SQOR: variants seen among roughly 807,000 people sequenced by gnomAD.
SQOR encodes the protein sulfide quinone oxidoreductase.
Under a neutral mutation model 48.6 loss-of-function variants are expected in SQOR, and 39 were observed. The observed-to-expected ratio is 0.80, with a 90% CI of 0.62 to 1.05. The LOEUF is 1.05. Among genes scored for constraint, SQOR ranks in the 50% least tolerant of loss-of-function variants. SQOR has a pLI of 0.00. For synonymous variants in SQOR, 220 were observed against 206.2 expected (o/e 1.07, Z -0.57); for missense variants, 561 against 559.9 (o/e 1.00, Z -0.02).
chr15:45,642,255 A>T (rs1422522225), intron 1 of SQOR, among the ~76,000 whole-genome samples: 2 of 152,204 alleles, frequency 1.3e-5, no homozygotes, highest in Non-Finnish European at 2.9e-5. Flanking sequence ...GCAGGTAACA[A>T]ATGAACAACA....
At chr15:45,682,392 T>A in intron 6 of SQOR, 86 bp from the exon 7 acceptor site, 10 of 1,412,396 alleles carry the variant, frequency 7.1e-6, no homozygotes, top group Non-Finnish European at 9.7e-6. Context: ...TAGCACAGTG[T>A]ATAGAGTAAG....
At chr15:45,679,422 G>T (rs2140959546) in intron 6 of SQOR, among the ~76,000 whole-genome samples, 2 of 152,262 alleles carry the variant, frequency 1.3e-5, no homozygotes, top group East Asian at 3.9e-4. Context: ...TGAAGAATTG[G>T]GCCGGACGTG....
chr15:45,657,559 CTGAAA>C (rs1255847716), intron 1 of SQOR, among the ~76,000 whole-genome samples: 1 of 152,088 alleles, frequency 6.6e-6, no homozygotes, highest in African/African-American at 2.4e-5. Context: ...CTTCTCAGAT[CTGAAA>C]TATTGAAGAA....
chr15:45,667,846 A>C (rs1889861456), intron 3 of SQOR, among the ~76,000 whole-genome samples: 1 of 152,012 alleles, frequency 6.6e-6, no homozygotes, highest in Non-Finnish European at 1.5e-5. Context: ...CGGATTGCTC[A>C]ACATGGTTTG....
chr15:45,679,448 A>C (rs1254144416), intron 6 of SQOR, among the ~76,000 whole-genome samples: 1 of 152,186 alleles, frequency 6.6e-6, no homozygotes, highest in African/African-American at 2.4e-5. Flanking sequence ...TCAAGTCTAT[A>C]ATCCCAGCAC....
chr15:45,654,438 A>G (rs1380313458), intron 1 of SQOR, among the ~76,000 whole-genome samples: 3 of 152,252 alleles, frequency 2.0e-5, no homozygotes, highest in Non-Finnish European at 2.9e-5. Context: ...AATGATGTCA[A>G]TAAATCTGGT....
intron 8 of SQOR, among the ~76,000 whole-genome samples, 181 bp from the exon 9 acceptor site, chr15:45,688,858 G>A (rs1890269622): frequency 6.6e-6 from 1 of 151,752 alleles, no homozygotes; most frequent in African/African-American, 2.4e-5. Context: ...GGGCATTTCT[G>A]TTTTTGCCAT....
intron 7 of SQOR, among the ~76,000 whole-genome samples, chr15:45,687,536 TAC>T (rs1226815018): frequency 2.6e-5 from 4 of 152,212 alleles, no homozygotes; most frequent in Non-Finnish European, 5.9e-5. Flanking sequence ...CCATCAGAGA[TAC>T]AGACAGGAGA....
intron 1 of SQOR, among the ~76,000 whole-genome samples, chr15:45,651,200 G>A (rs984838664): frequency 9.8e-5 from 15 of 152,314 alleles, no homozygotes; most frequent in African/African-American, 3.6e-4. Context: ...CAGCACCTGC[G>A]GGCCGGCACT....
At chr15:45,673,548 A>G (rs1057458447) in intron 4 of SQOR, 59 bp from the exon 5 acceptor site, 150 of 1,538,316 alleles carry the variant, frequency 9.8e-5, no homozygotes, top group Non-Finnish European at 1.2e-4. Context: ...GGCAAAGAAC[A>G]AGGACTCTAA....
chr15:45,656,610 T>C (rs1400778029), intron 1 of SQOR, among the ~76,000 whole-genome samples: 4 of 151,762 alleles, frequency 2.6e-5, no homozygotes, highest in East Asian at 3.9e-4. Context: ...TGTATGTGTA[T>C]AGTAGAGACT....
intron 1 of SQOR, among the ~76,000 whole-genome samples, chr15:45,651,053 C>G (rs1355624428): frequency 6.6e-6 from 1 of 152,250 alleles, no homozygotes; most frequent in Non-Finnish European, 1.5e-5. Context: ...CAGGGCATCA[C>G]AGAGCAGGGG....
chr15:45,688,898 C>A (rs1432549409), intron 8 of SQOR, 141 bp from the exon 9 acceptor site: 12 of 652,140 alleles, frequency 1.8e-5, no homozygotes, highest in Non-Finnish European at 2.7e-5. Context: ...ATATAATTTA[C>A]ATTTTTCACA....
chr15:45,650,905 AAAGTTCTCC>A (rs772692889), intron 1 of SQOR, among the ~76,000 whole-genome samples: 5 of 152,214 alleles, frequency 3.3e-5, no homozygotes, highest in Admixed American at 6.5e-5. Context: ...ACTAGACGTA[AAAGTTCTCC>A]AAGTCCCCAC....
In SQOR at chr15:45,652,638, C is replaced by CTTTTTTTTT. The variant is rs757986564; in HGVS notation, c.-17-6251_-17-6243dup. 1.3e-4 allele frequency among the ~76,000 whole-genome samples: 8 copies of CTTTTTTTTT among 60,278 alleles called. 1 individual carries two copies. The highest frequency in any genetic ancestry group is 7.8e-4 in the East Asian group (1 of 1,284). The allele number at this position is 60,278 out of a possible 152,430, so 39.5% of individuals were successfully genotyped here. A position where few individuals can be genotyped will look rare whatever the true frequency, so the allele number is the denominator to read the frequency against. On this transcript the variant is annotated intron_variant, in intron 1 of 9. Transcript: ENST00000260324. Reference sequence around the variant, plus strand: ...TTTTGGTATTACAGGCGTGAGCCTCCTTTTTTTTTTTTTTTTTTTTTTTTT... The same window carrying CTTTTTTTTT: ...TTTTGGTATTACAGGCGTGAGCCTCCTTTTTTTTTTTTTTTTTTTTTTTTTTTTTTTTTT...
At chr15:45,677,141 G>C (rs1890051698) in intron 6 of SQOR, among the ~76,000 whole-genome samples, 1 of 151,738 alleles carries the variant, frequency 6.6e-6, no homozygotes, top group African/African-American at 2.4e-5. Context: ...TTCACTTGTA[G>C]AATTTTACCA....
intron 3 of SQOR, among the ~76,000 whole-genome samples, chr15:45,664,326 G>T (rs1051075608): frequency 2.0e-5 from 3 of 151,888 alleles, no homozygotes; most frequent in Non-Finnish European, 2.9e-5. Context: ...TCCTTGTTTT[G>T]TCCTGTTGTG....
intron 7 of SQOR, among the ~76,000 whole-genome samples, chr15:45,682,952 G>A (rs1890150656): frequency 6.6e-6 from 1 of 151,578 alleles, no homozygotes; most frequent in Non-Finnish European, 1.5e-5. Flanking sequence ...GCTTGAACAC[G>A]GGAGGTGGAG....
intron 1 of SQOR, among the ~76,000 whole-genome samples, chr15:45,654,204 C>T (rs1168373435): frequency 6.6e-6 from 1 of 151,894 alleles, no homozygotes; most frequent in African/African-American, 2.4e-5. Context: ...TTGCATCATG[C>T]TCCACCTTCT....
Sources: gnomAD v4.1 joint callset for allele counts (sites outside exome capture counted in the v4.1 genomes callset) on GRCh38, gnomAD v4.1.1 for gene constraint, MANE v1.5 for transcripts, NCBI Gene and HGNC (gene_info 2026-07-23, HGNC 2026-07-21) for gene names.